Variants in MGMT observed in about 807,000 individuals in gnomAD.
The protein encoded by MGMT is methylated-DNA--protein-cysteine methyltransferase.
In MGMT, 14 loss-of-function variants were observed where a neutral mutation model predicts 15.9. That is an observed-to-expected ratio of 0.88 (90% CI 0.58 to 1.37). The LOEUF (loss-of-function observed/expected upper bound fraction) is 1.37, where lower values mean the gene tolerates loss of function less well. Among genes scored for constraint, MGMT ranks in the 40% most tolerant of loss-of-function variants. The pLI is 0.00. For missense variants in MGMT, 282 were observed against 268.1 expected (o/e 1.05, Z -0.36); for synonymous variants, 130 against 118.2 (o/e 1.10, Z -0.65).
At chr10:129,472,565 C>T (rs1845244519) in intron 1 of MGMT, among the ~76,000 whole-genome samples, 1 of 152,118 alleles carries the variant, frequency 6.6e-6, no homozygotes, top group African/African-American at 2.4e-5. Context: ...CAGAAGTGCA[C>T]CTTCTGGGAA....
chr10:129,530,988 C>T (rs1017263445), intron 1 of MGMT, among the ~76,000 whole-genome samples: 2 of 152,266 alleles, frequency 1.3e-5, no homozygotes, highest in East Asian at 1.9e-4. Flanking sequence ...CTGCCCACCT[C>T]GTGCTAGCCT....
chr10:129,739,454 C>T (rs1411036467), intron 3 of MGMT, among the ~76,000 whole-genome samples: 1 of 152,206 alleles, frequency 6.6e-6, no homozygotes, highest in Non-Finnish European at 1.5e-5. Context: ...AAAATTACAG[C>T]AGAGTTCACT....
chr10:129,650,724 G>A (rs1847447703), intron 2 of MGMT, among the ~76,000 whole-genome samples: 1 of 152,144 alleles, frequency 6.6e-6, no homozygotes, highest in Non-Finnish European at 1.5e-5. Context: ...TACTTTGGGT[G>A]GTGGTAAATT....
At position 129,565,764 on chromosome 10, in the gene MGMT, C is replaced by T. The variant is rs188496440; in HGVS notation, c.125+29387C>T. 7.4e-4 allele frequency among the ~76,000 whole-genome samples: 112 copies of T among 152,244 alleles called. 3 individuals are homozygous for T. In the East Asian group the frequency reaches 0.016, roughly 21 times the overall value. ...GGCGCCCCGTCTCCCCGTGGATTAG[C>T]GGCCCTACTGTGAGATCCTGGTGAT... On this transcript the variant is annotated intron_variant, in intron 2 of 4. Transcript: ENST00000651593.
intron 2 of MGMT, among the ~76,000 whole-genome samples, chr10:129,645,628 C>T (rs79442824): frequency 0.019 from 2,930 of 152,248 alleles, 35 homozygotes; most frequent in Non-Finnish European, 0.031. Context: ...CATGGAAAGC[C>T]GGTGGATTTG....
intron 1 of MGMT, among the ~76,000 whole-genome samples, chr10:129,468,816 C>T (rs757805506): frequency 2.0e-5 from 3 of 152,004 alleles, no homozygotes; most frequent in African/African-American, 7.2e-5. Flanking sequence ...ACCTGGGAGG[C>T]GGAGGTTGCA....
chr10:129,698,406 T>C (rs1316889967), intron 2 of MGMT, among the ~76,000 whole-genome samples: 1 of 152,234 alleles, frequency 6.6e-6, no homozygotes, highest in Non-Finnish European at 1.5e-5. Flanking sequence ...TTGCCTAGCC[T>C]CAAAGATCCT....
At chr10:129,677,100 G>C (rs970971806) in intron 2 of MGMT, among the ~76,000 whole-genome samples, 1 of 152,104 alleles carries the variant, frequency 6.6e-6, no homozygotes, top group South Asian at 2.1e-4. Context: ...GGGTGTCTCT[G>C]ATGGGCCAAG....
At chr10:129,503,448 A>G (rs1845595000) in intron 1 of MGMT, among the ~76,000 whole-genome samples, 1 of 152,254 alleles carries the variant, frequency 6.6e-6, no homozygotes, top group Admixed American at 6.5e-5. Context: ...ATACAATAAA[A>G]TTAACCTGAA....
At chr10:129,474,985 A>G (rs1845274429) in intron 1 of MGMT, among the ~76,000 whole-genome samples, 1 of 151,960 alleles carries the variant, frequency 6.6e-6, no homozygotes. Context: ...GAATGAGGTG[A>G]AGAGCCTGGC....
chr10:129,762,126 C>T (rs1169197393), intron 4 of MGMT, among the ~76,000 whole-genome samples: 5 of 152,184 alleles, frequency 3.3e-5, no homozygotes, highest in South Asian at 2.1e-4. Flanking sequence ...TTCCCTTTGG[C>T]GCTGACAGCA....
chr10:129,710,663 TGA>T (rs1848222483), intron 3 of MGMT, among the ~76,000 whole-genome samples: 1 of 152,210 alleles, frequency 6.6e-6, no homozygotes, highest in South Asian at 2.1e-4. Context: ...CTGTCTGGCA[TGA>T]GTTTGGTTTG....
rs553230092 is a variant in MGMT, at chr10:129,767,008, T to C, written c.*11T>C. 1.9e-6 allele frequency: 3 copies of C among 1,577,622 alleles called. No homozygotes were observed. The East Asian group carries it at 6.8e-5, about 36-fold the overall frequency. ...GCTGGCCGAAACTGAGTATGTGCAG[T>C]AGGATGGATGTTTGAGCGACACACA... is the stretch of plus-strand genomic sequence containing the variant. On this transcript the variant is annotated 3_prime_UTR_variant, in exon 5 of 5. Coordinates refer to ENST00000651593, the MANE Select transcript of MGMT (RefSeq NM_002412.5).
intron 3 of MGMT, among the ~76,000 whole-genome samples, chr10:129,718,170 T>C (rs1848321690): frequency 6.6e-6 from 1 of 152,190 alleles, no homozygotes; most frequent in Non-Finnish European, 1.5e-5. Context: ...AAGATGAATA[T>C]GATTTACACG....
intron 3 of MGMT, among the ~76,000 whole-genome samples, chr10:129,722,624 A>G (rs193262798): frequency 6.6e-6 from 1 of 152,330 alleles, no homozygotes; most frequent in East Asian, 1.9e-4. Context: ...AAGGATCAAA[A>G]CTTAGAACAG....
At chr10:129,520,950 T>C (rs1845801790) in intron 1 of MGMT, among the ~76,000 whole-genome samples, 3 of 139,000 alleles carry the variant, frequency 2.2e-5, no homozygotes, top group African/African-American at 8.2e-5. Flanking sequence ...CCCTAAGGTG[T>C]GCCTACAGAG....
At chr10:129,650,687 TCTTTC>T (rs1847447262) in intron 2 of MGMT, among the ~76,000 whole-genome samples, 1 of 152,200 alleles carries the variant, frequency 6.6e-6, no homozygotes, top group East Asian at 1.9e-4. Context: ...GAGGAGCACG[TCTTTC>T]CTTGGTGTGG....
intron 2 of MGMT, among the ~76,000 whole-genome samples, chr10:129,585,609 C>G (rs1185661573): frequency 6.6e-6 from 1 of 152,186 alleles, no homozygotes; most frequent in Admixed American, 6.5e-5. Context: ...TACCTAATGC[C>G]TAGATATCAC....
chr10:129,529,716 CCAT>C (rs947262516), intron 1 of MGMT, among the ~76,000 whole-genome samples: 7 of 152,102 alleles, frequency 4.6e-5, no homozygotes, highest in African/African-American at 9.7e-5. Context: ...AAAGCATTAA[CCAT>C]CATTTGTTTT....
Sources: gnomAD v4.1 joint callset for allele counts (sites outside exome capture counted in the v4.1 genomes callset) on GRCh38, gnomAD v4.1.1 for gene constraint, MANE v1.5 for transcripts, NCBI Gene and HGNC (gene_info 2026-07-23, HGNC 2026-07-21) for gene names.